LARP4: variants seen among roughly 807,000 people sequenced by gnomAD.
LARP4 encodes the protein La ribonucleoprotein 4.
In LARP4, 29 loss-of-function variants were observed where a neutral mutation model predicts 92.9. That is an observed-to-expected ratio of 0.31 (90% CI 0.23 to 0.43). The LOEUF (loss-of-function observed/expected upper bound fraction) is 0.43. LARP4 is among the 20% of genes least tolerant of loss of function. The pLI is 1.00. For missense variants in LARP4, 732 were observed against 860.0 expected, an observed-to-expected ratio of 0.85 and a Z score of 1.86; for synonymous variants, 279 against 284.1, an observed-to-expected ratio of 0.98 and a Z score of 0.18.
intron 1 of LARP4, among the ~76,000 whole-genome samples, chr12:50,411,890 C>T (rs1217037889): frequency 6.6e-6 from 1 of 152,056 alleles, no homozygotes. Context: ...ACCTTGTCGG[C>T]CAGGCTGGTC....
chr12:50,449,291 C>G (rs1375145326), intron 8 of LARP4, among the ~76,000 whole-genome samples: 3 of 151,982 alleles, frequency 2.0e-5, no homozygotes, highest in Non-Finnish European at 4.4e-5. Flanking sequence ...TTTCCTATAA[C>G]TTTGTATTTT....
intron 12 of LARP4, among the ~76,000 whole-genome samples, chr12:50,466,625 A>G (rs902386748): frequency 6.6e-6 from 1 of 152,052 alleles, no homozygotes; most frequent in African/African-American, 2.4e-5. Context: ...AAAAAAAAAG[A>G]GTTGATAGCA....
chr12:50,476,075 AATATAT>A lies in LARP4; in HGVS notation c.*223_*228del. The A allele has an allele frequency of 6.9e-6, 2 of 287,802 alleles. No homozygotes were observed. Among genetic ancestry groups the A allele is most frequent in the Non-Finnish European group, 1.3e-5 (2 of 151,738 alleles). The allele number at this position is 287,802 out of a possible 1,614,324, so 17.8% of individuals were successfully genotyped here. A position where few individuals can be genotyped will look rare whatever the true frequency, so the allele number is the denominator to read the frequency against. Reference sequence around the variant, plus strand: ...ATGCTGGAGGATTCCAATCAATATAAATATATATATATATATACACACACATATATA... The same window carrying A: ...ATGCTGGAGGATTCCAATCAATATAAATATATATATACACACACATATATA... On this transcript the variant is annotated 3_prime_UTR_variant, in exon 16 of 16. Transcript: ENST00000398473.
intron 7 of LARP4, among the ~76,000 whole-genome samples, chr12:50,441,122 A>T (rs1472590347): frequency 6.6e-6 from 1 of 152,092 alleles, no homozygotes; most frequent in Non-Finnish European, 1.5e-5. Context: ...TGACCTCGTG[A>T]TTCGCCTGCC....
In LARP4 at chr12:50,471,627, G is replaced by A. The variant is rs555454384; in HGVS notation, c.1546-1788G>A. 5.3e-5 allele frequency among the ~76,000 whole-genome samples: 8 copies of A among 152,204 alleles called. No individual in the cohort carries two copies. In the South Asian group the frequency reaches 1.7e-3, roughly 32 times the overall value. On this transcript the variant is annotated intron_variant, in intron 13 of 15. Transcript: ENST00000398473. ...CAACCTCCACTGCCAGGGTTCAAGCGATTCTTGTGCCTCAGCCTCCTGAAT... is the reference window on the plus strand; with the variant it reads ...CAACCTCCACTGCCAGGGTTCAAGCAATTCTTGTGCCTCAGCCTCCTGAAT...
intron 4 of LARP4, among the ~76,000 whole-genome samples, chr12:50,433,069 T>C (rs1233100914): frequency 6.6e-6 from 1 of 152,024 alleles, no homozygotes; most frequent in Non-Finnish European, 1.5e-5. Flanking sequence ...ATAATTTCCA[T>C]TCATAATTCT....
chr12:50,401,104 T>C lies in LARP4; in HGVS notation c.18+76T>C. On this transcript the variant is annotated intron_variant, in intron 1 of 15. Transcript: ENST00000398473. ...GAGGCGCCGGCCGGTCCCACCGCCA[T>C]GTGACTTTCCGGGCCGTACACGCCG... 3 of 1,558,798 alleles carry C rather than the reference T, an allele frequency of 1.9e-6. No individual in the cohort carries two copies. The South Asian group carries it at 3.3e-5, about 17-fold the overall frequency.
At chr12:50,422,093 C>G (rs746331074) in intron 1 of LARP4, among the ~76,000 whole-genome samples, 4 of 151,874 alleles carry the variant, frequency 2.6e-5, no homozygotes, top group Non-Finnish European at 4.4e-5. Context: ...CCTCAGCCTC[C>G]TGAGTAGCTG....
At chr12:50,465,389 AG>A (rs1336746460) in intron 12 of LARP4, among the ~76,000 whole-genome samples, 33 of 146,274 alleles carry the variant, frequency 2.3e-4, no homozygotes, top group African/African-American at 7.2e-4. Context: ...AAAAAAAAAA[AG>A]AGAGATTAGA....
intron 4 of LARP4, among the ~76,000 whole-genome samples, chr12:50,431,036 G>A (rs975554746): frequency 2.0e-5 from 3 of 152,184 alleles, no homozygotes; most frequent in African/African-American, 4.8e-5. Context: ...GGGAGGCTTC[G>A]GTGGCTGGAT....
At chr12:50,426,684 G>GTGTGTGTGT (rs1555232613) in intron 1 of LARP4, among the ~76,000 whole-genome samples, 1 of 86,174 alleles carries the variant, frequency 1.2e-5, no homozygotes, top group Non-Finnish European at 2.1e-5. Flanking sequence ...TTATGTTTGG[G>GTGTGTGTGT]GTGTGTGTGT....
At chr12:50,465,823 G>T (rs1039903494) in intron 12 of LARP4, among the ~76,000 whole-genome samples, 1 of 152,050 alleles carries the variant, frequency 6.6e-6, no homozygotes, top group Non-Finnish European at 1.5e-5. Context: ...GAGATATACC[G>T]CCATCACCAC....
chr12:50,430,101 C>T (rs1001316780), intron 3 of LARP4, among the ~76,000 whole-genome samples: 1 of 151,990 alleles, frequency 6.6e-6, no homozygotes, highest in Non-Finnish European at 1.5e-5. Flanking sequence ...TTGGGCCAGG[C>T]ACAGTGGCTT....
intron 10 of LARP4, among the ~76,000 whole-genome samples, chr12:50,457,685 G>T (rs902168686): frequency 1.3e-5 from 2 of 151,874 alleles, no homozygotes; most frequent in African/African-American, 4.8e-5. Context: ...ATACTGGTGT[G>T]CACCTGTAGT....
chr12:50,412,995 G>A (rs1276157010), intron 1 of LARP4, among the ~76,000 whole-genome samples: 10 of 151,990 alleles, frequency 6.6e-5, no homozygotes, highest in Non-Finnish European at 1.0e-4. Context: ...AGGCTGAGGC[G>A]GGCGGATCAC....
At chr12:50,454,621 C>G (rs983210694) in intron 10 of LARP4, 10 of 397,004 alleles carry the variant, frequency 2.5e-5, no homozygotes, top group Non-Finnish European at 4.0e-5. Context: ...ATGTAACAGA[C>G]TTGGGATTCA....
chr12:50,419,642 C>T (rs1173704154), intron 1 of LARP4, among the ~76,000 whole-genome samples: 1 of 152,122 alleles, frequency 6.6e-6, no homozygotes, highest in African/African-American at 2.4e-5. Context: ...TGTGGTGAGT[C>T]ATGCCTATAA....
chr12:50,467,259 AGT>A (rs921682371), intron 13 of LARP4, 139 bp downstream of exon 13: 19 of 599,728 alleles, frequency 3.2e-5, no homozygotes, highest in African/African-American at 3.1e-4. Flanking sequence ...GCATACTTAG[AGT>A]GTTTTTTTAA....
intron 1 of LARP4, among the ~76,000 whole-genome samples, chr12:50,424,904 T>C (rs891621611): frequency 6.6e-6 from 1 of 151,884 alleles, no homozygotes; most frequent in Non-Finnish European, 1.5e-5. Flanking sequence ...CCCAGCACTT[T>C]GGGAGGCCGA....
Sources: allele counts gnomAD v4.1 joint callset (sites outside exome capture counted in the v4.1 genomes callset), GRCh38; gene constraint gnomAD v4.1.1; transcripts MANE v1.5; gene names NCBI Gene and HGNC (gene_info 2026-07-23, HGNC 2026-07-21).